The following UBN1 variants were observed in gnomAD, a reference collection of about 807,000 sequenced individuals.
UBN1 encodes the protein ubinuclein-1.
UBN1 carries 17 observed loss-of-function variants against 108.5 expected under a neutral mutation model. That is an observed-to-expected ratio of 0.16 (90% CI 0.11 to 0.24). The LOEUF (loss-of-function observed/expected upper bound fraction) is 0.24. Ranked by LOEUF, UBN1 falls within the 10% of genes least tolerant of loss-of-function variation. The pLI is 1.00. For synonymous variants in UBN1, 726 were observed against 564.2 expected, an observed-to-expected ratio of 1.29 and a Z score of -4.07; for missense variants, 1,595 against 1,394.4, an observed-to-expected ratio of 1.14 and a Z score of -2.29.
chr16:4,855,565 G>A (rs941522725), intron 2 of UBN1, among the ~76,000 whole-genome samples: 3 of 146,042 alleles, frequency 2.1e-5, no homozygotes, highest in African/African-American at 7.7e-5. Flanking sequence ...GCAGTGAGCC[G>A]TGATCACACC....
chr16:4,855,659 C>T (rs1200612690), intron 2 of UBN1, among the ~76,000 whole-genome samples: 3 of 150,946 alleles, frequency 2.0e-5, no homozygotes, highest in Non-Finnish European at 4.4e-5. Context: ...TGACTCATGC[C>T]TGTAATCCCC....
chr16:4,869,426 G>T (rs895792140), intron 8 of UBN1, among the ~76,000 whole-genome samples: 11 of 152,228 alleles, frequency 7.2e-5, no homozygotes, highest in African/African-American at 2.4e-4. Flanking sequence ...TTAAAAAACA[G>T]ATGAGCAAAC....
At chr16:4,851,904 A>T (rs2086575667) in intron 1 of UBN1, among the ~76,000 whole-genome samples, 4 of 152,198 alleles carry the variant, frequency 2.6e-5, no homozygotes, top group Non-Finnish European at 5.9e-5. Flanking sequence ...AAACAAGAAG[A>T]AGTACTTATA....
chr16:4,864,895 T>A (rs1207618853), intron 7 of UBN1, among the ~76,000 whole-genome samples: 1 of 152,226 alleles, frequency 6.6e-6, no homozygotes, highest in African/African-American at 2.4e-5. Context: ...TTGTTTGATC[T>A]TTTTAAAAAA....
At chr16:4,852,168 T>A (rs1459220275) in intron 1 of UBN1, 1 of 152,250 alleles carries the variant, frequency 6.6e-6, no homozygotes, top group African/African-American at 2.4e-5. Flanking sequence ...CAAAATTGTA[T>A]ACGAAGTAAG....
intron 4 of UBN1, 43 bp downstream of exon 4, chr16:4,858,706 G>A (rs764020193): frequency 1.3e-6 from 2 of 1,588,938 alleles, no homozygotes; most frequent in South Asian, 2.2e-5. Flanking sequence ...CACTGTACCT[G>A]TAGCTCCTCC....
chr16:4,865,087 G>T (rs2087260776), intron 7 of UBN1, among the ~76,000 whole-genome samples: 2 of 152,154 alleles, frequency 1.3e-5, no homozygotes, highest in South Asian at 4.1e-4. Context: ...AGTTAACTTA[G>T]GATTGATTAA....
chr16:4,870,104 G>C (rs2087547987), intron 8 of UBN1, 108 bp from the exon 9 acceptor site: 2 of 1,527,228 alleles, frequency 1.3e-6, no homozygotes, highest in Admixed American at 3.7e-5. Flanking sequence ...CAACAAGACA[G>C]GGTTTGACTG....
intron 17 of UBN1, among the ~76,000 whole-genome samples, chr16:4,879,586 G>A (rs1309227306): frequency 3.9e-5 from 6 of 152,228 alleles, no homozygotes; most frequent in East Asian, 3.8e-4. Flanking sequence ...AGGATGACAC[G>A]AGATGCGAGT....
At chr16:4,857,142 G>A (rs1179043168) in intron 2 of UBN1, among the ~76,000 whole-genome samples, 1 of 151,778 alleles carries the variant, frequency 6.6e-6, no homozygotes, top group Non-Finnish European at 1.5e-5. Flanking sequence ...AGGAGCTTGA[G>A]ACCAGCCTGG....
chr16:4,858,860 G>T, intron 4 of UBN1, 165 bp from the exon 5 acceptor site: 1 of 1,053,892 alleles, frequency 9.5e-7, no homozygotes. Context: ...GACCAGATCT[G>T]TCCAAAACAC....
chr16:4,870,200 T>C lies in UBN1; in HGVS notation c.1182-12T>C, dbSNP rs370602252. 1 of 1,614,116 alleles carries C rather than the reference T, an allele frequency of 6.2e-7. No homozygotes were observed. The highest frequency in any genetic ancestry group is 8.5e-7 in the Non-Finnish European group (1 of 1,179,974). ...GAGCTGCAGCCGGTGGTGACTGTGT[T>C]TTGTTCTTCAGCATAGAGGCGCAGA... is the stretch of plus-strand genomic sequence containing the variant. On this transcript the variant is annotated splice_polypyrimidine_tract_variant and intron_variant, in intron 8 of 17. Coordinates refer to ENST00000262376, the MANE Select transcript of UBN1 (RefSeq NM_001079514.3).
chr16:4,880,319 C>G lies in UBN1; in HGVS notation c.*187C>G, dbSNP rs1376773160. 1.6e-6 allele frequency: 1 copy of G among 631,388 alleles called. No individual in the cohort carries two copies. The highest frequency in any genetic ancestry group is 1.8e-5 in the African/African-American group (1 of 54,684). The allele number at this position is 631,388 out of a possible 1,614,324, so 39.1% of individuals were successfully genotyped here. A position where few individuals can be genotyped will look rare whatever the true frequency, so the allele number is the denominator to read the frequency against. The stretch of plus-strand genomic sequence containing the variant: ...TGGAGGGAGCCGGGCCCTTGCTGCT[C>G]AGGAGGTGCAGACTGCCCCGTGCTC... On this transcript the variant is annotated 3_prime_UTR_variant, in exon 18 of 18. Coordinates refer to ENST00000262376, the MANE Select transcript of UBN1 (RefSeq NM_001079514.3).
At position 4,874,344 on chromosome 16, in the gene UBN1, C is replaced by T. The variant is rs1435565476; in HGVS notation, c.1934C>T (p.Ala645Val). Residue 645 changes from alanine (A) to valine (V), a missense_variant, in exon 15 of 18, where the codon GCA becomes GTA. By Grantham distance (64) the Ala-to-Val change is moderately conservative (BLOSUM62 0). This residue lies in a region of UBN1 where 1,398 missense variants were observed against 1,194.7 expected (regional missense o/e 1.17). Coordinates refer to ENST00000262376, the MANE Select transcript of UBN1 (RefSeq NM_001079514.3). ...GASSRELPSQ[A>V]SGGLANPPPV... is the part of the protein sequence containing the mutation. The stretch of plus-strand genomic sequence containing the variant: ...TCGAGCAGGGAGCTCCCATCCCAGG[C>T]ATCGGGCGGCCTTGCTAACCCTCCT... 6.2e-7 allele frequency: 1 copy of T among 1,614,162 alleles called. No homozygotes were observed.
chr16:4,867,765 G>C (rs527740467), intron 7 of UBN1, among the ~76,000 whole-genome samples: 1 of 152,088 alleles, frequency 6.6e-6, no homozygotes, highest in East Asian at 1.9e-4. Context: ...GAAGGTGAGT[G>C]GGGGAGATGA....
intron 13 of UBN1, 33 bp from the exon 14 acceptor site, chr16:4,872,998 T>A (rs1166038077): frequency 1.9e-6 from 3 of 1,614,228 alleles, no homozygotes; most frequent in South Asian, 2.2e-5. Flanking sequence ...CTGGATATTC[T>A]CTAAACTTTT....
chr16:4,858,305 C>T (rs112063579), intron 3 of UBN1, among the ~76,000 whole-genome samples: 263 of 152,240 alleles, frequency 1.7e-3, no homozygotes, highest in Non-Finnish European at 2.6e-3. Flanking sequence ...GGCCTGTGGT[C>T]GCCTTAGAAG....
intron 1 of UBN1, 118 bp downstream of exon 1, chr16:4,848,328 G>C (rs2142084041): frequency 6.6e-6 from 1 of 152,390 alleles, no homozygotes; most frequent in African/African-American, 2.4e-5. Context: ...CTTTAAAACT[G>C]AACCATGAAC....
rs2086289867 is a variant in UBN1, at chr16:4,848,079, C to A, written c.-171C>A. 6.6e-6 allele frequency: 1 copy of A among 151,978 alleles called. No individual in the cohort carries two copies. Among genetic ancestry groups the A allele is most frequent in the Non-Finnish European group, 1.5e-5 (1 of 67,972 alleles). 9.4% of individuals were successfully genotyped at this position (151,978 alleles called of 1,614,324 possible). A position where few individuals can be genotyped will look rare whatever the true frequency, so the allele number is the denominator to read the frequency against. On this transcript the variant is annotated 5_prime_UTR_variant, in exon 1 of 18. Transcript: ENST00000262376. ...TGGGCTCGGGGACCCGGCCATGGGCCGAGGCGCGGGCCGCCCGCCCGCTGG... is the reference window on the plus strand; with the variant it reads ...TGGGCTCGGGGACCCGGCCATGGGCAGAGGCGCGGGCCGCCCGCCCGCTGG...
Sources: allele counts gnomAD v4.1 joint callset (sites outside exome capture counted in the v4.1 genomes callset), GRCh38; gene constraint gnomAD v4.1.1; regional missense constraint gnomAD v4.1.1; transcripts MANE v1.5; gene names NCBI Gene and HGNC (gene_info 2026-07-23, HGNC 2026-07-21).